Variants in DNAJC17 observed in about 807,000 individuals in gnomAD.
DNAJC17 encodes DnaJ heat shock protein family (Hsp40) member C17.
A neutral mutation model predicts 48.1 loss-of-function variants in DNAJC17; 35 were observed. That is an observed-to-expected ratio of 0.73 (90% CI 0.56 to 0.96). DNAJC17 has a LOEUF of 0.96. DNAJC17 is among the 50% of genes least tolerant of loss of function. The probability of loss-of-function intolerance (pLI) is 0.00; values close to 1 mark genes in which losing one functional copy is unlikely to be tolerated. For missense variants in DNAJC17, 355 were observed against 377.1 expected (o/e 0.94, Z 0.48); for synonymous variants, 117 against 142.7 (o/e 0.82, Z 1.28).
intron 1 of DNAJC17, chr15:40,780,221 C>T (rs1889445521): frequency 4.6e-6 from 3 of 655,586 alleles, no homozygotes; most frequent in South Asian, 4.5e-5. Context: ...CTGCTAAGTG[C>T]TCAACCTCAC....
intron 10 of DNAJC17, chr15:40,771,439 T>G: frequency 5.0e-6 from 1 of 201,502 alleles, no homozygotes; most frequent in Non-Finnish European, 1.1e-5. Flanking sequence ...AAGAGATGAG[T>G]GCCCCATGCC....
At chr15:40,796,542 C>T (rs934006906) in intron 1 of DNAJC17, among the ~76,000 whole-genome samples, 3 of 152,102 alleles carry the variant, frequency 2.0e-5, no homozygotes, top group Admixed American at 6.6e-5. Context: ...TGAAAAAAAT[C>T]ACAGGAGGCC....
At chr15:40,785,765 C>T (rs1258466450) in intron 1 of DNAJC17, among the ~76,000 whole-genome samples, 2 of 152,064 alleles carry the variant, frequency 1.3e-5, no homozygotes, top group Admixed American at 1.3e-4. Flanking sequence ...AAATTCAATC[C>T]TGGGTTCACT....
chr15:40,774,797 G>T (rs1481553248), intron 8 of DNAJC17, among the ~76,000 whole-genome samples: 2 of 152,220 alleles, frequency 1.3e-5, no homozygotes, highest in African/African-American at 4.8e-5. Context: ...TAAGGGTAAG[G>T]GTTAGACCGA....
chr15:40,768,066 T>C lies in DNAJC17; in HGVS notation c.793-4A>G. On this transcript the variant is annotated splice_polypyrimidine_tract_variant and splice_region_variant and intron_variant, in intron 10 of 10. Coordinates refer to ENST00000220496, the MANE Select transcript of DNAJC17 (RefSeq NM_018163.3). ...CCCTCTCTGACAGCACTGAGCCCTG[T>C]CGGACAGGGCAGGGACAGGGAGGGG... 1 of 1,554,700 alleles carries C rather than the reference T, an allele frequency of 6.4e-7. No homozygotes were observed. Among genetic ancestry groups the C allele is most frequent in the Non-Finnish European group, 8.7e-7 (1 of 1,153,710 alleles).
At position 40,767,881 on chromosome 15, in the gene DNAJC17, A is replaced by AG. The variant is rs1888990161; in HGVS notation, c.*58_*59insC. Reference sequence around the variant, plus strand: ...GATAGAGGTAAAATCTTAAAAAAAAAAAAAATTTATTGGTGACGTTGAAGA... The same window carrying AG: ...GATAGAGGTAAAATCTTAAAAAAAAAGAAAAATTTATTGGTGACGTTGAAGA... On this transcript the variant is annotated 3_prime_UTR_variant, in exon 11 of 11. Transcript: ENST00000220496. 5.7e-6 allele frequency: 9 copies of AG among 1,590,076 alleles called. 1 individual carries two copies. The Admixed American group carries it at 1.5e-4, about 27-fold the overall frequency.
intron 1 of DNAJC17, among the ~76,000 whole-genome samples, chr15:40,792,250 C>T (rs1002348528): frequency 3.9e-5 from 6 of 152,124 alleles, no homozygotes; most frequent in African/African-American, 1.2e-4. Flanking sequence ...AAATATGTAG[C>T]TAGTGGTACC....
intron 1 of DNAJC17, among the ~76,000 whole-genome samples, chr15:40,794,099 C>T (rs1286366163): frequency 6.6e-6 from 1 of 152,190 alleles, no homozygotes; most frequent in East Asian, 1.9e-4. Context: ...TACTTTCAAT[C>T]CCAGCACTTT....
chr15:40,782,563 C>CT (rs1406081697), intron 1 of DNAJC17, among the ~76,000 whole-genome samples: 2 of 152,088 alleles, frequency 1.3e-5, no homozygotes, highest in African/African-American at 4.8e-5. Flanking sequence ...CCTCTGCCTC[C>CT]AAGGCCTTTG....
In DNAJC17 at chr15:40,776,987, C is replaced by A. The variant is rs187492430; in HGVS notation, c.296-360G>T. ...TGGGCTCGATTCCTGTGGTTTGGCA[C>A]CACAGCTTGACTTGCTTTGGCTTTG... On this transcript the variant is annotated intron_variant, in intron 4 of 10. Transcript: ENST00000220496. 1.3e-3 allele frequency: 299 copies of A among 225,958 alleles called. 1 individual carries two copies. The highest frequency in any genetic ancestry group is 6.3e-3 in the African/African-American group (283 of 44,632). 14.0% of individuals were successfully genotyped at this position (225,958 alleles called of 1,614,324 possible).
At chr15:40,802,121 G>T (rs935978232) in intron 1 of DNAJC17, among the ~76,000 whole-genome samples, 1 of 151,952 alleles carries the variant, frequency 6.6e-6, no homozygotes, top group Non-Finnish European at 1.5e-5. Flanking sequence ...ACAAGATGGG[G>T]AAATCCAAGG....
chr15:40,797,445 C>A (rs1263762757), intron 1 of DNAJC17, among the ~76,000 whole-genome samples: 1 of 151,408 alleles, frequency 6.6e-6, no homozygotes, highest in Non-Finnish European at 1.5e-5. Context: ...TGGAGTTTCG[C>A]TCTTATTGCC....
intron 1 of DNAJC17, among the ~76,000 whole-genome samples, chr15:40,788,695 CAAAAAA>C (rs34840348): frequency 8.6e-6 from 1 of 116,790 alleles, no homozygotes; most frequent in Non-Finnish European, 1.8e-5. Flanking sequence ...GACTCTGTCT[CAAAAAA>C]AAAAAAAAAA....
Position 40,765,783 on chromosome 15 carries a change from C to T in DNAJC17, c.*2157G>A, listed in dbSNP as rs760964792. The T allele has an allele frequency of 9.7e-6, 10 of 1,030,808 alleles. No homozygotes were observed. The highest frequency in any genetic ancestry group is 1.3e-5 in the Non-Finnish European group (9 of 693,810). The allele number at this position is 1,030,808 out of a possible 1,614,324, so 63.9% of individuals were successfully genotyped here. A position where few individuals can be genotyped will look rare whatever the true frequency, so the allele number is the denominator to read the frequency against. On this transcript the variant is annotated 3_prime_UTR_variant, in exon 11 of 11. Transcript: ENST00000220496. ...GAAGGACAGGCAAGACCTTCCACCTCCTCCTGGCAGCCAGCCAAGCAGCCA... is the reference window on the plus strand; with the variant it reads ...GAAGGACAGGCAAGACCTTCCACCTTCTCCTGGCAGCCAGCCAAGCAGCCA...
chr15:40,784,493 C>A (rs1889590222), intron 1 of DNAJC17, among the ~76,000 whole-genome samples: 1 of 151,826 alleles, frequency 6.6e-6, no homozygotes, highest in South Asian at 2.1e-4. Context: ...TTCTTAAAGC[C>A]CCTATGAGGT....
chr15:40,771,274 GGC>G (rs766450705), intron 10 of DNAJC17: 28 of 543,752 alleles, frequency 5.1e-5, no homozygotes, highest in South Asian at 2.6e-4. Flanking sequence ...GGCCCTTCCT[GGC>G]AGGACCCTGA....
At chr15:40,801,718 A>G (rs1460753600) in intron 1 of DNAJC17, among the ~76,000 whole-genome samples, 1 of 149,530 alleles carries the variant, frequency 6.7e-6, no homozygotes, top group African/African-American at 2.5e-5. Context: ...AGCCTGGGTG[A>G]CAGAGCGAGA....
intron 1 of DNAJC17, among the ~76,000 whole-genome samples, chr15:40,796,879 C>CGAGTAAAGTA (rs1191750397): frequency 6.6e-6 from 1 of 152,166 alleles, no homozygotes; most frequent in Non-Finnish European, 1.5e-5. Context: ...CTCAGCCTCC[C>CGAGTAAAGTA]GAGTAAAGTA....
intron 1 of DNAJC17, among the ~76,000 whole-genome samples, chr15:40,806,805 A>G (rs1219462670): frequency 6.6e-6 from 1 of 152,196 alleles, no homozygotes; most frequent in Non-Finnish European, 1.5e-5. Context: ...TCCTGCTTTT[A>G]GCCCACTAAC....
Sources: allele counts gnomAD v4.1 joint callset (sites outside exome capture counted in the v4.1 genomes callset), GRCh38; gene constraint gnomAD v4.1.1; transcripts MANE v1.5; gene names NCBI Gene and HGNC (gene_info 2026-07-23, HGNC 2026-07-21).